The following RERE variants were observed in gnomAD, a reference collection of about 807,000 sequenced individuals.
RERE encodes arginine-glutamic acid dipeptide repeats.
A neutral mutation model predicts 146.1 loss-of-function variants in RERE; 40 were observed. The ratio of observed to expected loss-of-function variants is 0.27; its 90% confidence interval spans 0.21 to 0.36. The LOEUF is 0.36. Ranked by LOEUF, RERE falls within the 10% of genes least tolerant of loss-of-function variation. The pLI is 1.00. For synonymous variants in RERE, 1,003 were observed against 866.0 expected, an observed-to-expected ratio of 1.16 and a Z score of -2.78; for missense variants, 1,933 against 2,138.7, an observed-to-expected ratio of 0.90 and a Z score of 1.90.
intron 1 of RERE, among the ~76,000 whole-genome samples, chr1:8,672,826 T>C (rs1412530207): frequency 6.6e-6 from 1 of 152,148 alleles, no homozygotes. Context: ...AACTCAAGAA[T>C]ATGCCAGCAT....
At chr1:8,644,639 C>T (rs1031866756) in intron 2 of RERE, among the ~76,000 whole-genome samples, 3 of 152,150 alleles carry the variant, frequency 2.0e-5, no homozygotes, top group Non-Finnish European at 4.4e-5. Flanking sequence ...CCTATGTATT[C>T]TTGAACAATT....
chr1:8,772,703 C>A (rs941951956), intron 1 of RERE, among the ~76,000 whole-genome samples: 5 of 152,058 alleles, frequency 3.3e-5, no homozygotes, highest in East Asian at 1.9e-4. Context: ...TCACTTGAAC[C>A]CGGAAGGTAG....
chr1:8,592,319 G>A (rs1314807908), intron 4 of RERE, among the ~76,000 whole-genome samples: 1 of 151,958 alleles, frequency 6.6e-6, no homozygotes, highest in Non-Finnish European at 1.5e-5. Context: ...AGGCTGGATG[G>A]AGTGCGATGC....
chr1:8,722,776 T>C (rs754742408), intron 1 of RERE, among the ~76,000 whole-genome samples: 4 of 152,174 alleles, frequency 2.6e-5, no homozygotes, highest in South Asian at 2.1e-4. Context: ...CTAAAGTATG[T>C]TGGAGGATGT....
At chr1:8,427,723 A>T (rs1372647429) in intron 11 of RERE, among the ~76,000 whole-genome samples, 1 of 152,090 alleles carries the variant, frequency 6.6e-6, no homozygotes, top group Admixed American at 6.5e-5. Context: ...AGGCCTCAAA[A>T]CCAGCAAAAC....
At chr1:8,530,882 G>A (rs1208523407) in intron 7 of RERE, among the ~76,000 whole-genome samples, 1 of 150,292 alleles carries the variant, frequency 6.7e-6, no homozygotes, top group Admixed American at 6.6e-5. Context: ...TAGTAGAGAC[G>A]GGGTTTCACC....
Position 8,543,423 on chromosome 1 carries a change from A to G in RERE, c.726-2105T>C, listed in dbSNP as rs188658241. Among the ~76,000 whole-genome samples the G allele has an allele frequency of 9.2e-5, 14 of 152,340 alleles. No homozygotes were observed. In the East Asian group the frequency reaches 2.7e-3, roughly 29 times the overall value. On this transcript the variant is annotated intron_variant, in intron 6 of 22. Coordinates refer to ENST00000400908, the MANE Select transcript of RERE (RefSeq NM_001042681.2). ...AAAGCCTACAAAACTCTACTACACA[A>G]TGCTATGTAAAGTAAGTTATTCCTA...
intron 11 of RERE, among the ~76,000 whole-genome samples, chr1:8,425,421 A>C (rs1370937156): frequency 6.6e-6 from 1 of 152,100 alleles, no homozygotes; most frequent in Admixed American, 6.5e-5. Flanking sequence ...GGACCCAAGA[A>C]GGCTAGACTG....
chr1:8,767,650 G>A (rs1236795372), intron 1 of RERE, among the ~76,000 whole-genome samples: 1 of 148,470 alleles, frequency 6.7e-6, no homozygotes, highest in Admixed American at 6.8e-5. Context: ...TATCAAAAAG[G>A]ATGGGATTTC....
intron 2 of RERE, among the ~76,000 whole-genome samples, chr1:8,627,059 T>C (rs1056771898): frequency 1.3e-5 from 2 of 151,740 alleles, no homozygotes; most frequent in African/African-American, 4.9e-5. Context: ...TCTGCAAAAC[T>C]CTTCTTCTCT....
chr1:8,404,998 CGGTTTTCT>C (rs1353783375), intron 12 of RERE, among the ~76,000 whole-genome samples: 1 of 152,014 alleles, frequency 6.6e-6, no homozygotes, highest in Admixed American at 6.5e-5. Context: ...GACTATATGT[CGGTTTTCT>C]GAGTTTGCTT....
At chr1:8,747,025 T>C (rs1271854208) in intron 1 of RERE, among the ~76,000 whole-genome samples, 3 of 151,586 alleles carry the variant, frequency 2.0e-5, no homozygotes, top group Non-Finnish European at 4.4e-5. Flanking sequence ...TCTTTTTTGT[T>C]TTTTGAGACG....
intron 1 of RERE, among the ~76,000 whole-genome samples, chr1:8,767,587 A>C (rs1246934277): frequency 2.0e-5 from 3 of 149,670 alleles, no homozygotes; most frequent in Non-Finnish European, 4.4e-5. Flanking sequence ...CCTGGGCTGC[A>C]GAGTGAGGCC....
At chr1:8,778,933 C>T (rs1641116441) in intron 1 of RERE, among the ~76,000 whole-genome samples, 2 of 152,092 alleles carry the variant, frequency 1.3e-5, no homozygotes, top group African/African-American at 4.8e-5. Context: ...CTGCAACCTC[C>T]ATCTCTTGGG....
Position 8,656,302 on chromosome 1 carries a change from C to T in RERE, c.-5G>A, listed in dbSNP as rs1164333032. ...TTTGTCTTTGTCCGCTGTCATGATT[C>T]GCCACGTGCCTTCTTCTGTCCTCTC... On this transcript the variant is annotated 5_prime_UTR_variant, in exon 2 of 23. Coordinates refer to ENST00000400908, the MANE Select transcript of RERE (RefSeq NM_001042681.2). 1.9e-5 allele frequency: 30 copies of T among 1,611,546 alleles called. No homozygotes were observed. Among genetic ancestry groups the T allele is most frequent in the South Asian group, 1.3e-4 (12 of 90,938 alleles).
Position 8,790,744 on chromosome 1 carries a change from C to G in RERE, c.-145+26416G>C, listed in dbSNP as rs760701053. On this transcript the variant is annotated intron_variant, in intron 1 of 22. Transcript: ENST00000400908. The stretch of plus-strand genomic sequence containing the variant: ...GATTATAGGCATGCGCCACCATGCC[C>G]AAATAATTTTTTTGTATTTTTAGTA... Among the ~76,000 whole-genome samples the G allele has an allele frequency of 3.9e-5, 6 of 152,202 alleles. No individual in the cohort carries two copies. The East Asian group carries it at 9.6e-4, about 24-fold the overall frequency.
At chr1:8,537,821 C>T (rs1645747125) in intron 7 of RERE, among the ~76,000 whole-genome samples, 1 of 151,930 alleles carries the variant, frequency 6.6e-6, no homozygotes, top group African/African-American at 2.4e-5. Flanking sequence ...AATCAGATCC[C>T]TGACAAGATA....
intron 11 of RERE, among the ~76,000 whole-genome samples, chr1:8,448,168 G>T (rs1644345867): frequency 6.6e-6 from 1 of 152,140 alleles, no homozygotes; most frequent in South Asian, 2.1e-4. Context: ...GCACACGACA[G>T]GCATTTAATA....
chr1:8,545,867 T>C (rs1224675702), intron 6 of RERE, among the ~76,000 whole-genome samples: 2 of 149,636 alleles, frequency 1.3e-5, no homozygotes, highest in African/African-American at 2.5e-5. Context: ...ATATTTTTAG[T>C]AGAGACGAGG....
Sources: allele counts gnomAD v4.1 joint callset (sites outside exome capture counted in the v4.1 genomes callset), GRCh38; gene constraint gnomAD v4.1.1; transcripts MANE v1.5; gene names NCBI Gene and HGNC (gene_info 2026-07-23, HGNC 2026-07-21).